Variants in TBC1D2 observed in about 807,000 individuals in gnomAD.
TBC1D2 encodes TBC1 domain family member 2.
TBC1D2 carries 58 observed loss-of-function variants against 91.1 expected under a neutral mutation model. That is an observed-to-expected ratio of 0.64 (90% CI 0.52 to 0.79). TBC1D2 has a LOEUF of 0.79. Ranked by LOEUF, TBC1D2 falls within the 30% of genes least tolerant of loss-of-function variation. TBC1D2 has a pLI of 0.00. For missense variants in TBC1D2, 1,080 were observed against 1,208.3 expected, an observed-to-expected ratio of 0.89 and a Z score of 1.57; for synonymous variants, 482 against 511.5, an observed-to-expected ratio of 0.94 and a Z score of 0.78.
intron 7 of TBC1D2, among the ~76,000 whole-genome samples, chr9:98,211,567 C>T (rs1828840679): frequency 6.6e-6 from 1 of 152,158 alleles, no homozygotes; most frequent in Admixed American, 6.5e-5. Context: ...AGTGAAAATC[C>T]ACTCATAGCA....
chr9:98,250,638 T>G (rs1039137357), intron 2 of TBC1D2, among the ~76,000 whole-genome samples: 2 of 152,064 alleles, frequency 1.3e-5, no homozygotes, highest in Admixed American at 6.6e-5. Context: ...TTGGGGCAGA[T>G]GTACTCAGCT....
At chr9:98,250,836 C>T (rs983193937) in intron 2 of TBC1D2, among the ~76,000 whole-genome samples, 4 of 152,188 alleles carry the variant, frequency 2.6e-5, no homozygotes, top group Non-Finnish European at 5.9e-5. Context: ...GATCCTAAAA[C>T]CTGCCAATCA....
Position 98,228,840 on chromosome 9 carries a change from G to T in TBC1D2, c.978+112C>A. On this transcript the variant is annotated intron_variant, in intron 5 of 12. Transcript: ENST00000465784. This position sits in a 1 kb window ranked among gnomAD's most constrained non-coding sequence, Gnocchi z 4.0. ...TCTGCAGTTTGGCCTTTAAAGACCAGAGAGTAGCTGGTGCCCAGCACGGCT... is the reference window on the plus strand; with the variant it reads ...TCTGCAGTTTGGCCTTTAAAGACCATAGAGTAGCTGGTGCCCAGCACGGCT... The T allele has an allele frequency of 9.6e-7, 1 of 1,045,482 alleles. No homozygotes were observed. Among genetic ancestry groups the T allele is most frequent in the Non-Finnish European group, 1.4e-6 (1 of 712,642 alleles). The allele number at this position is 1,045,482 out of a possible 1,614,324, so 64.8% of individuals were successfully genotyped here. A position where few individuals can be genotyped will look rare whatever the true frequency, so the allele number is the denominator to read the frequency against.
chr9:98,234,074 C>G (rs955380888), intron 3 of TBC1D2, among the ~76,000 whole-genome samples: 6 of 152,208 alleles, frequency 3.9e-5, no homozygotes, highest in African/African-American at 1.4e-4. Context: ...TGCTTGCTCT[C>G]TTTCCCTGCT....
chr9:98,208,215 G>A (rs988207291), intron 9 of TBC1D2, among the ~76,000 whole-genome samples: 1 of 152,116 alleles, frequency 6.6e-6, no homozygotes, highest in East Asian at 1.9e-4. Context: ...CCTCTCACCA[G>A]CCTGTGGGTG....
chr9:98,213,477 G>T, intron 6 of TBC1D2: 1 of 1,222,784 alleles, frequency 8.2e-7, no homozygotes, highest in Non-Finnish European at 1.1e-6. Flanking sequence ...CCTCAGGCAG[G>T]CCACTGAACC....
At chr9:98,230,471 G>A (rs1189613762) in intron 4 of TBC1D2, among the ~76,000 whole-genome samples, 1 of 152,184 alleles carries the variant, frequency 6.6e-6, no homozygotes, top group Non-Finnish European at 1.5e-5. Flanking sequence ...TGTTAAAGGT[G>A]TTGAAAATAA....
intron 3 of TBC1D2, among the ~76,000 whole-genome samples, chr9:98,242,395 C>T (rs1372389331): frequency 6.7e-6 from 1 of 149,318 alleles, no homozygotes; most frequent in Non-Finnish European, 1.5e-5. Flanking sequence ...GAGCTGAGAT[C>T]GCGCCACTGC....
rs182560379 is a variant in TBC1D2, at chr9:98,199,014, A to G, written c.*367T>C. ...AACAACTGGTAACTGAGAACTGTTT[A>G]AGTTCCAAAGCTTATGAATGATTTC... On this transcript the variant is annotated 3_prime_UTR_variant, in exon 13 of 13. Coordinates refer to ENST00000465784, the MANE Select transcript of TBC1D2 (RefSeq NM_001267571.2). 313 of 314,942 alleles carry G rather than the reference A, an allele frequency of 9.9e-4. No homozygotes were observed. The highest frequency in any genetic ancestry group is 5.8e-3 in the African/African-American group (271 of 46,764). 19.5% of individuals were successfully genotyped at this position (314,942 alleles called of 1,614,324 possible).
At position 98,228,247 on chromosome 9, in the gene TBC1D2, G is replaced by T. The variant is rs569527294; in HGVS notation, c.978+705C>A. Among the ~76,000 whole-genome samples, 4 of 152,202 alleles carry T rather than the reference G, an allele frequency of 2.6e-5. No individual in the cohort carries two copies. Among genetic ancestry groups the T allele is most frequent in the African/African-American group, 9.7e-5 (4 of 41,448 alleles). On this transcript the variant is annotated intron_variant, in intron 5 of 12. Coordinates refer to ENST00000465784, the MANE Select transcript of TBC1D2 (RefSeq NM_001267571.2). The surrounding 1 kb of genome is among the most constrained non-coding windows in gnomAD (Gnocchi z 4.0). ...TTTATCACTCTAAAGAGGGGCTCCCGCCCGGAGCTGCAGCCCTCTCACATC... is the reference window on the plus strand; with the variant it reads ...TTTATCACTCTAAAGAGGGGCTCCCTCCCGGAGCTGCAGCCCTCTCACATC...
chr9:98,229,709 T>A (rs1341876779), intron 4 of TBC1D2, among the ~76,000 whole-genome samples: 4 of 152,238 alleles, frequency 2.6e-5, no homozygotes, highest in Non-Finnish European at 4.4e-5. Context: ...AAGAGATATA[T>A]TTCCCCCACA....
chr9:98,216,443 A>T (rs1021372083), intron 6 of TBC1D2, among the ~76,000 whole-genome samples: 1 of 152,226 alleles, frequency 6.6e-6, no homozygotes, highest in Non-Finnish European at 1.5e-5. Flanking sequence ...AGGCTGTGGG[A>T]TAACTATTAA....
At chr9:98,245,201 C>T (rs1180074158) in intron 2 of TBC1D2, among the ~76,000 whole-genome samples, 2 of 152,000 alleles carry the variant, frequency 1.3e-5, no homozygotes, top group African/African-American at 4.8e-5. Flanking sequence ...GATCGTGCCA[C>T]TGCACTTCAG....
intron 3 of TBC1D2, among the ~76,000 whole-genome samples, chr9:98,243,323 T>C (rs1829691139): frequency 6.6e-6 from 1 of 152,002 alleles, no homozygotes; most frequent in Non-Finnish European, 1.5e-5. Context: ...GAAAGAAATA[T>C]ACCAAATGCT....
In TBC1D2 at chr9:98,210,799, G is replaced by A. The variant is rs555055684; in HGVS notation, c.1530C>T (p.Tyr510=). The stretch of plus-strand genomic sequence containing the variant: ...CCTGCAGCCTTCTCAGACCGGCCAG[G>A]TACTTGCTTTCCACCTGGCAGTTTC... ...QARNCQVESK[Y]LAGLRRLQEA... is the part of the protein sequence containing the mutation. Residue 510 remains tyrosine (Y), a synonymous_variant, in exon 8 of 13, where the codon TAC becomes TAT. Coordinates refer to ENST00000465784, the MANE Select transcript of TBC1D2 (RefSeq NM_001267571.2). 3 of 1,553,650 alleles carry A rather than the reference G, an allele frequency of 1.9e-6. No individual in the cohort carries two copies. The highest frequency in any genetic ancestry group is 1.2e-5 in the South Asian group (1 of 84,220).
intron 3 of TBC1D2, among the ~76,000 whole-genome samples, chr9:98,237,902 T>C (rs890264566): frequency 2.0e-5 from 3 of 147,176 alleles, no homozygotes; most frequent in Admixed American, 6.9e-5. Context: ...TTTTTTTTCT[T>C]TTTTTTCTTT....
intron 11 of TBC1D2, among the ~76,000 whole-genome samples, chr9:98,200,579 A>G (rs1000415364): frequency 1.3e-5 from 2 of 151,932 alleles, no homozygotes; most frequent in Non-Finnish European, 2.9e-5. Context: ...GGGCGGGGGA[A>G]GGGACGCACA....
chr9:98,200,357 G>A lies in TBC1D2; in HGVS notation c.2475C>T (p.Ala825=), dbSNP rs1828456448. 6.2e-7 allele frequency: 1 copy of A among 1,610,316 alleles called. No individual in the cohort carries two copies. Residue 825 remains alanine (A), a synonymous_variant, in exon 12 of 13, where the codon GCC becomes GCT. Coordinates refer to ENST00000465784, the MANE Select transcript of TBC1D2 (RefSeq NM_001267571.2). The part of the protein sequence containing the change: ...YEGTKVVFRY[A]LAIFKYNEKE... Reference sequence around the variant, plus strand: ...TCTCGTTGTACTTGAAAATGGCCAAGGCATAGCGAAACACCACCTGGGGGT... The same window carrying A: ...TCTCGTTGTACTTGAAAATGGCCAAAGCATAGCGAAACACCACCTGGGGGT...
chr9:98,233,124 C>T (rs1048941207), intron 4 of TBC1D2, among the ~76,000 whole-genome samples: 1 of 152,238 alleles, frequency 6.6e-6, no homozygotes, highest in Non-Finnish European at 1.5e-5. Flanking sequence ...CTTTCGGCCA[C>T]GTGAACACAC....
Sources: gnomAD v4.1 joint callset for allele counts (sites outside exome capture counted in the v4.1 genomes callset) on GRCh38, gnomAD v4.1.1 for gene constraint, Gnocchi (gnomAD v3.1) non-coding constraint, MANE v1.5 for transcripts, NCBI Gene and HGNC (gene_info 2026-07-23, HGNC 2026-07-21) for gene names.